Variants in SDK1 observed in about 807,000 individuals in gnomAD.
SDK1 encodes sidekick cell adhesion molecule 1.
A neutral mutation model predicts 245.5 loss-of-function variants in SDK1; 157 were observed. The observed-to-expected ratio is 0.64, with a 90% CI of 0.56 to 0.73. SDK1 has a LOEUF of 0.73. Ranked by LOEUF, SDK1 falls within the 30% of genes least tolerant of loss-of-function variation. SDK1 has a pLI of 0.00. For synonymous variants in SDK1, 1,647 were observed against 1,278.5 expected, an observed-to-expected ratio of 1.29 and a Z score of -6.15; for missense variants, 3,583 against 3,002.3, an observed-to-expected ratio of 1.19 and a Z score of -4.52.
intron 1 of SDK1, among the ~76,000 whole-genome samples, chr7:3,443,575 G>A (rs989537448): frequency 6.6e-6 from 1 of 152,204 alleles, no homozygotes; most frequent in African/African-American, 2.4e-5. Flanking sequence ...AAAATCCATA[G>A]TGCTAGCTGA....
At chr7:3,365,909 G>A (rs1011522657) in intron 1 of SDK1, among the ~76,000 whole-genome samples, 8 of 152,106 alleles carry the variant, frequency 5.3e-5, no homozygotes, top group Middle Eastern at 3.4e-3. Flanking sequence ...CGTGGTGGCG[G>A]GCACCGGTAA....
At chr7:3,786,382 G>T (rs1780900336) in intron 4 of SDK1, among the ~76,000 whole-genome samples, 1 of 152,126 alleles carries the variant, frequency 6.6e-6, no homozygotes, top group Non-Finnish European at 1.5e-5. Context: ...ACTTCCTACA[G>T]GGCATTTTGT....
intron 4 of SDK1, among the ~76,000 whole-genome samples, chr7:3,711,339 G>A (rs1296539432): frequency 6.6e-6 from 1 of 152,152 alleles, no homozygotes; most frequent in Non-Finnish European, 1.5e-5. Flanking sequence ...TCACACTTCA[G>A]GGATACATCA....
intron 1 of SDK1, among the ~76,000 whole-genome samples, chr7:3,418,222 C>T (rs899592785): frequency 2.7e-5 from 4 of 149,956 alleles, no homozygotes; most frequent in Non-Finnish European, 5.9e-5. Flanking sequence ...GAGGCTGAGG[C>T]AGGAGAATTG....
At chr7:3,927,313 C>G (rs1442813286) in intron 5 of SDK1, among the ~76,000 whole-genome samples, 1 of 152,034 alleles carries the variant, frequency 6.6e-6, no homozygotes, top group Non-Finnish European at 1.5e-5. Context: ...AAATGTTGGG[C>G]CCTTTAGTTT....
At chr7:4,009,446 A>G (rs1785762520) in intron 14 of SDK1, among the ~76,000 whole-genome samples, 2 of 152,216 alleles carry the variant, frequency 1.3e-5, no homozygotes, top group South Asian at 4.1e-4. Context: ...GAAGGGTTTT[A>G]GGCTCCCAGA....
chr7:3,415,006 C>G (rs1388022939), intron 1 of SDK1, among the ~76,000 whole-genome samples: 1 of 152,116 alleles, frequency 6.6e-6, no homozygotes, highest in African/African-American at 2.4e-5. Flanking sequence ...GACTTTTCGG[C>G]TATTATGCAT....
intron 5 of SDK1, among the ~76,000 whole-genome samples, chr7:3,880,441 G>A (rs892438091): frequency 5.3e-5 from 8 of 152,068 alleles, no homozygotes; most frequent in Non-Finnish European, 7.4e-5. Flanking sequence ...GCAGGAGCCC[G>A]GCCCGCGGCG....
chr7:3,368,938 C>G (rs988717407), intron 1 of SDK1, among the ~76,000 whole-genome samples: 11 of 152,188 alleles, frequency 7.2e-5, no homozygotes, highest in Non-Finnish European at 1.6e-4. Context: ...TTCTGTGAAA[C>G]TGTGTAGTCT....
Position 3,673,435 on chromosome 7 carries a change from A to C in SDK1, c.713+31330A>C, listed in dbSNP as rs997124643. Among the ~76,000 whole-genome samples, 5 of 152,200 alleles carry C rather than the reference A, an allele frequency of 3.3e-5. No homozygotes were observed. In the East Asian group the frequency reaches 9.6e-4, roughly 29 times the overall value. On this transcript the variant is annotated intron_variant, in intron 4 of 44. Transcript: ENST00000404826. ...GGCTCTTCCTTTTAGTATACTCTCT[A>C]TTCCTAGTTGTTTATCAGCTTATGT...
Position 3,357,052 on chromosome 7 carries a change from C to T in SDK1, c.298+55168C>T, listed in dbSNP as rs867041601. On this transcript the variant is annotated intron_variant, in intron 1 of 44. Transcript: ENST00000404826. ...CCTGGGTGACAGAGCGAGACTCTCT[C>T]GAAAAAAAAAAAAAAAAAAAAAAGA... Among the ~76,000 whole-genome samples, 604 of 63,714 alleles carry T rather than the reference C, an allele frequency of 9.5e-3. 7 individuals carry two copies. Among genetic ancestry groups the T allele is most frequent in the African/African-American group, 0.05 (571 of 11,526 alleles). 41.8% of individuals were successfully genotyped at this position (63,714 alleles called of 152,430 possible).
chr7:3,672,626 TAATATATATTA>T (rs931227692), intron 4 of SDK1, among the ~76,000 whole-genome samples: 16 of 141,154 alleles, frequency 1.1e-4, no homozygotes, highest in African/African-American at 2.9e-4. Flanking sequence ...TAATATATAA[TAATATATATTA>T]AATATATATT....
chr7:3,483,493 T>A (rs1047687203), intron 1 of SDK1, among the ~76,000 whole-genome samples: 1 of 152,182 alleles, frequency 6.6e-6, no homozygotes, highest in African/African-American at 2.4e-5. Context: ...TGAATAATCA[T>A]ATTGTTTGTA....
intron 1 of SDK1, among the ~76,000 whole-genome samples, chr7:3,474,813 C>G (rs992497663): frequency 2.6e-5 from 4 of 152,184 alleles, no homozygotes; most frequent in Non-Finnish European, 5.9e-5. Flanking sequence ...ACCACAACCT[C>G]TTCAATGGTG....
chr7:3,370,895 G>A (rs1403777966), intron 1 of SDK1, among the ~76,000 whole-genome samples: 1 of 152,050 alleles, frequency 6.6e-6, no homozygotes, highest in Non-Finnish European at 1.5e-5. Flanking sequence ...CTCCTCCTCT[G>A]TCTCCACTAG....
At chr7:3,668,999 A>C (rs1783616853) in intron 4 of SDK1, among the ~76,000 whole-genome samples, 1 of 152,134 alleles carries the variant, frequency 6.6e-6, no homozygotes, top group South Asian at 2.1e-4. Context: ...GCCCCATTTG[A>C]AAAGGACAAT....
intron 1 of SDK1, among the ~76,000 whole-genome samples, chr7:3,438,039 G>C (rs552748936): frequency 3.3e-5 from 5 of 152,268 alleles, no homozygotes; most frequent in South Asian, 2.1e-4. Flanking sequence ...GCATTTTATA[G>C]ATGAAGAAAT....
intron 1 of SDK1, among the ~76,000 whole-genome samples, chr7:3,324,857 G>A (rs909337048): frequency 2.6e-5 from 4 of 152,094 alleles, no homozygotes; most frequent in African/African-American, 9.7e-5. Flanking sequence ...GAATCTGAAA[G>A]TTTCTTACGT....
chr7:3,594,862 A>T (rs1781002134), intron 1 of SDK1, among the ~76,000 whole-genome samples: 1 of 152,208 alleles, frequency 6.6e-6, no homozygotes, highest in Admixed American at 6.5e-5. Flanking sequence ...ATACTTAAAG[A>T]ATCATACCTG....
Sources: allele counts gnomAD v4.1 joint callset (sites outside exome capture counted in the v4.1 genomes callset), GRCh38; gene constraint gnomAD v4.1.1; transcripts MANE v1.5; gene names NCBI Gene and HGNC (gene_info 2026-07-23, HGNC 2026-07-21).